The following INCA1 variants were observed in gnomAD, a reference collection of about 807,000 sequenced individuals.
INCA1 encodes protein INCA1.
In INCA1, 28 loss-of-function variants were observed where a neutral mutation model predicts 25.7. The ratio of observed to expected loss-of-function variants is 1.09; its 90% CI spans 0.81 to 1.49. The LOEUF is 1.49. Among genes scored for constraint, INCA1 ranks in the 40% most tolerant of loss-of-function variants. The pLI is 0.00. For missense variants in INCA1, 309 were observed against 290.9 expected (o/e 1.06, Z -0.45); for synonymous variants, 111 against 103.6 (o/e 1.07, Z -0.43).
At position 4,988,329 on chromosome 17, in the gene INCA1, T is replaced by C. The variant is rs966672210; in HGVS notation, c.*76A>G. 3.4e-6 allele frequency: 5 copies of C among 1,463,936 alleles called. No homozygotes were observed. In the African/African-American group the frequency reaches 7.2e-5, roughly 21 times the overall value. The allele number at this position is 1,463,936 out of a possible 1,614,324, so 90.7% of individuals were successfully genotyped here. A position where few individuals can be genotyped will look rare whatever the true frequency, so the allele number is the denominator to read the frequency against. On this transcript the variant is annotated 3_prime_UTR_variant, in exon 7 of 7. Transcript: ENST00000576820. ...AGGGGAAACGCCTTCATGTCAGCAA[T>C]GAGGGTGACTCTAGTGACGGAACTA...
At chr17:4,995,765 A>G (rs1974198982) in intron 1 of INCA1, 1 of 152,064 alleles carries the variant, frequency 6.6e-6, no homozygotes, top group African/African-American at 2.4e-5. Context: ...CCCTGTCTCT[A>G]CTAAAAAATA....
intron 2 of INCA1, among the ~76,000 whole-genome samples, chr17:4,993,182 G>GTTTTTTTTTTTTTTTTTTTTT (rs1039845648): frequency 6.7e-6 from 1 of 148,688 alleles, no homozygotes; most frequent in African/African-American, 2.5e-5. Flanking sequence ...GCCTGACCTT[G>GTTTTTTTTTTTTTTTTTTTTT]TTTTTTTGTT....
At chr17:4,993,132 G>A (rs1391893043) in intron 2 of INCA1, among the ~76,000 whole-genome samples, 1 of 151,772 alleles carries the variant, frequency 6.6e-6, no homozygotes, top group Admixed American at 6.6e-5. Flanking sequence ...CGCCCGCCTT[G>A]GCCTCCCAAA....
intron 2 of INCA1, among the ~76,000 whole-genome samples, chr17:4,992,783 C>G (rs1489624637): frequency 6.8e-6 from 1 of 148,088 alleles, no homozygotes; most frequent in African/African-American, 2.5e-5. Flanking sequence ...AATCATAGCT[C>G]ACTGCAGACT....
chr17:4,994,013 C>G (rs552650696), intron 2 of INCA1, among the ~76,000 whole-genome samples: 1 of 151,896 alleles, frequency 6.6e-6, no homozygotes, highest in African/African-American at 2.4e-5. Context: ...CTCAGGTGAT[C>G]CGCCTGCCTC....
intron 3 of INCA1, 90 bp downstream of exon 3, chr17:4,990,062 G>C (rs427703): frequency 0.68 from 1,093,991 of 1,609,316 alleles, 382,746 homozygotes; most frequent in Non-Finnish European, 0.73. Flanking sequence ...GAAATTAACC[G>C]CAGACTAGGG....
chr17:4,989,704 G>T, intron 4 of INCA1, 80 bp from the exon 5 acceptor site: 1 of 1,574,156 alleles, frequency 6.4e-7, no homozygotes, highest in Non-Finnish European at 8.7e-7. Flanking sequence ...TAGGTAGGGA[G>T]TCTGGGGTCT....
chr17:4,989,667 G>A (rs1567708093), intron 4 of INCA1, 43 bp from the exon 5 acceptor site: 1 of 1,605,094 alleles, frequency 6.2e-7, no homozygotes, highest in Admixed American at 1.7e-5. Context: ...AGAAGAACTG[G>A]CTCTCTCAAG....
chr17:4,989,757 TAGAA>T (rs1433636454), intron 4 of INCA1, 129 bp downstream of exon 4: 25 of 1,551,158 alleles, frequency 1.6e-5, no homozygotes, highest in Non-Finnish European at 9.8e-6. Context: ...GACTGATTCA[TAGAA>T]AGGAAGGCCT....
At chr17:4,994,658 C>T (rs78511778) in intron 1 of INCA1, among the ~76,000 whole-genome samples, 183 bp from the exon 2 acceptor site, 3,060 of 151,912 alleles carry the variant, frequency 0.02, 96 homozygotes, top group African/African-American at 0.069. Context: ...GGTGTGGTGG[C>T]GCGCGCCTAT....
chr17:4,990,760 G>A (rs1469617400), intron 2 of INCA1, among the ~76,000 whole-genome samples: 1 of 151,248 alleles, frequency 6.6e-6, no homozygotes, highest in East Asian at 2.0e-4. Flanking sequence ...GCGGGCACCT[G>A]TAATCCCAGC....
At chr17:4,996,357 A>C (rs1268288375) in intron 1 of INCA1, among the ~76,000 whole-genome samples, 1 of 151,260 alleles carries the variant, frequency 6.6e-6, no homozygotes, top group Non-Finnish European at 1.5e-5. Flanking sequence ...ACTCCAGCCT[A>C]GGCGTCAGAG....
intron 2 of INCA1, among the ~76,000 whole-genome samples, 164 bp downstream of exon 2, chr17:4,994,230 T>C (rs979901186): frequency 3.9e-5 from 6 of 152,218 alleles, no homozygotes; most frequent in Non-Finnish European, 7.3e-5. Flanking sequence ...TGGAACATTG[T>C]AGTGTTCAAA....
At chr17:4,988,355 GTCTTGGGT>G in exon 7 of INCA1, 1 of 1,546,308 alleles carries the variant, frequency 6.5e-7, no homozygotes, top group South Asian at 1.2e-5. Context: ...GACGGAACTA[GTCTTGGGT>G]CCCTGGGGCA....
At chr17:4,990,485 C>T (rs1301230219) in intron 2 of INCA1, among the ~76,000 whole-genome samples, 1 of 152,112 alleles carries the variant, frequency 6.6e-6, no homozygotes, top group Non-Finnish European at 1.5e-5. Flanking sequence ...ATAGTTTGAC[C>T]CTCAGATCTC....
chr17:4,996,127 G>A (rs1370391667), intron 1 of INCA1, among the ~76,000 whole-genome samples: 1 of 152,102 alleles, frequency 6.6e-6, no homozygotes, highest in Admixed American at 6.5e-5. Context: ...GCTCACGCCT[G>A]TAATCCCAGC....
intron 5 of INCA1, 80 bp from the exon 6 acceptor site, chr17:4,989,024 A>G (rs1973599135): frequency 7.0e-7 from 1 of 1,422,518 alleles, no homozygotes; most frequent in Non-Finnish European, 9.4e-7. Flanking sequence ...TTCTGTTCTG[A>G]AATACTTCCT....
intron 2 of INCA1, among the ~76,000 whole-genome samples, chr17:4,991,310 C>G (rs530434573): frequency 2.9e-4 from 44 of 152,262 alleles, no homozygotes; most frequent in Non-Finnish European, 5.0e-4. Flanking sequence ...CTTTATACCT[C>G]ATAGTTAGAG....
intron 2 of INCA1, among the ~76,000 whole-genome samples, chr17:4,992,345 C>T (rs1270590567): frequency 6.6e-6 from 1 of 151,258 alleles, no homozygotes; most frequent in Non-Finnish European, 1.5e-5. Context: ...TGCAGTGACC[C>T]AATTATAGCT....
Sources: allele counts gnomAD v4.1 joint callset (sites outside exome capture counted in the v4.1 genomes callset), GRCh38; gene constraint gnomAD v4.1.1; transcripts MANE v1.5; gene names NCBI Gene and HGNC (gene_info 2026-07-23, HGNC 2026-07-21).